MSI2: variants seen among roughly 807,000 people sequenced by gnomAD.
MSI2 encodes the protein musashi RNA binding protein 2.
A neutral mutation model predicts 45.6 loss-of-function variants in MSI2; 17 were observed. The observed-to-expected ratio is 0.37, with a 90% CI of 0.26 to 0.56. The LOEUF (loss-of-function observed/expected upper bound fraction) is 0.56, where lower values mean the gene tolerates loss of function less well. Among genes scored for constraint, MSI2 ranks in the 20% least tolerant of loss-of-function variants. The pLI, the probability that MSI2 is intolerant of heterozygous loss-of-function variation, is 0.77. For synonymous variants in MSI2, 156 were observed against 158.2 expected, an observed-to-expected ratio of 0.99 and a Z score of 0.11; for missense variants, 293 against 444.2, an observed-to-expected ratio of 0.66 and a Z score of 3.06.
chr17:57,472,897 C>CT (rs751901407), intron 6 of MSI2, among the ~76,000 whole-genome samples: 2,772 of 145,226 alleles, frequency 0.019, 41 homozygotes, highest in African/African-American at 0.035. Context: ...TCTTTTCTTT[C>CT]TTTTTTTTTT....
chr17:57,624,307 C>A, intron 9 of MSI2, among the ~76,000 whole-genome samples: 1 of 152,204 alleles, frequency 6.6e-6, no homozygotes. Context: ...GCAGCCATGA[C>A]TTGGCTGTTT....
intron 7 of MSI2, chr17:57,566,109 C>G (rs1229157446): frequency 6.6e-6 from 1 of 152,132 alleles, no homozygotes; most frequent in Admixed American, 6.5e-5. Flanking sequence ...TTTGGGTTTT[C>G]TCCTCATTTG....
intron 7 of MSI2, among the ~76,000 whole-genome samples, chr17:57,542,935 G>C (rs892047569): frequency 2.0e-5 from 3 of 152,168 alleles, no homozygotes; most frequent in Admixed American, 1.3e-4. Context: ...ATTGCTATTT[G>C]CTTGATTATT....
chr17:57,597,945 G>A (rs964070389), intron 8 of MSI2, among the ~76,000 whole-genome samples: 1 of 151,494 alleles, frequency 6.6e-6, no homozygotes, highest in Admixed American at 6.6e-5. Context: ...AGCCTCAAGA[G>A]GAAGGGAGGT....
chr17:57,317,233 G>A (rs1399236717), intron 5 of MSI2, among the ~76,000 whole-genome samples: 2 of 152,174 alleles, frequency 1.3e-5, no homozygotes, highest in African/African-American at 2.4e-5. Flanking sequence ...AGGGCATGGG[G>A]GTGGCAGCAT....
chr17:57,585,652 G>A (rs1233638055), intron 7 of MSI2, among the ~76,000 whole-genome samples: 1 of 152,230 alleles, frequency 6.6e-6, no homozygotes, highest in Admixed American at 6.5e-5. Flanking sequence ...GTGAGAGAAG[G>A]TGACAAATTT....
chr17:57,534,612 G>T (rs1458090932), intron 7 of MSI2, among the ~76,000 whole-genome samples: 2 of 151,778 alleles, frequency 1.3e-5, no homozygotes, highest in African/African-American at 4.8e-5. Context: ...CCACCCGGGA[G>T]GCTGAGGCAG....
At chr17:57,307,729 G>A (rs143633371) in intron 5 of MSI2, among the ~76,000 whole-genome samples, 160 of 148,734 alleles carry the variant, frequency 1.1e-3, no homozygotes, top group Admixed American at 8.9e-3. Context: ...ATGAGCCACC[G>A]TGCCTGGCCT....
At chr17:57,555,705 C>G (rs903423190) in intron 7 of MSI2, among the ~76,000 whole-genome samples, 55 of 152,308 alleles carry the variant, frequency 3.6e-4, no homozygotes, top group African/African-American at 1.3e-3. Flanking sequence ...CTCTTGGTGT[C>G]CCCAGTACCT....
intron 6 of MSI2, among the ~76,000 whole-genome samples, chr17:57,414,515 A>G (rs527584537): frequency 1.1e-3 from 171 of 151,742 alleles, no homozygotes; most frequent in African/African-American, 3.8e-3. Flanking sequence ...TCAGCCTCCC[A>G]AGTAGCTGGG....
intron 6 of MSI2, chr17:57,444,860 C>G (rs768535017): frequency 3.9e-5 from 6 of 152,228 alleles, no homozygotes; most frequent in Admixed American, 2.0e-4. Flanking sequence ...GCCTGCTCTT[C>G]CTTTTCAACC....
intron 6 of MSI2, among the ~76,000 whole-genome samples, chr17:57,475,150 G>A (rs2085513677): frequency 6.6e-6 from 1 of 152,244 alleles, no homozygotes; most frequent in Admixed American, 6.5e-5. Flanking sequence ...GCAAGGCACT[G>A]TAAGGTGTGG....
At chr17:57,427,328 G>A (rs763413662) in intron 6 of MSI2, among the ~76,000 whole-genome samples, 5 of 152,150 alleles carry the variant, frequency 3.3e-5, no homozygotes, top group Non-Finnish European at 7.4e-5. Context: ...AACCTAGGAG[G>A]TGGAGGTTGC....
intron 5 of MSI2, among the ~76,000 whole-genome samples, chr17:57,297,802 C>T (rs1911109324): frequency 6.6e-6 from 1 of 152,184 alleles, no homozygotes; most frequent in African/African-American, 2.4e-5. Flanking sequence ...TGCACATCTT[C>T]ACCAGGAGTA....
chr17:57,443,790 G>A (rs755412870), intron 6 of MSI2, among the ~76,000 whole-genome samples: 3 of 152,130 alleles, frequency 2.0e-5, no homozygotes, highest in Non-Finnish European at 4.4e-5. Context: ...GAGACAAAAG[G>A]GGATCATCAT....
intron 11 of MSI2, among the ~76,000 whole-genome samples, chr17:57,662,802 T>C (rs1912082962): frequency 6.6e-6 from 1 of 152,238 alleles, no homozygotes; most frequent in African/African-American, 2.4e-5. Flanking sequence ...CTCCTGCTGT[T>C]GCAGACACTG....
chr17:57,284,544 A>T (rs910465878), intron 5 of MSI2, among the ~76,000 whole-genome samples: 4 of 152,212 alleles, frequency 2.6e-5, no homozygotes, highest in African/African-American at 9.7e-5. Context: ...TTTTAAGTGA[A>T]TAAGTACGAA....
chr17:57,554,307 A>G (rs748276842), intron 7 of MSI2, among the ~76,000 whole-genome samples: 3 of 152,086 alleles, frequency 2.0e-5, no homozygotes, highest in African/African-American at 7.2e-5. Flanking sequence ...TCTCAAAGTA[A>G]ATTCATAGTT....
Position 57,616,042 on chromosome 17 carries a change from C to G in MSI2, c.610C>G (p.Pro204Ala). Reference sequence around the variant, plus strand: ...GACAAGAGGCCGGGCCCGGGGACTGCCTTACACCATGGACGCGTTCATGCT... The same window carrying G: ...GACAAGAGGCCGGGCCCGGGGACTGGCTTACACCATGGACGCGTTCATGCT... ...PGTRGRARGLPYTMDAFMLGM... is the reference protein window; with the variant it reads ...PGTRGRARGLAYTMDAFMLGM... The change falls in exon 9 of 14, where the codon CCT becomes GCT. Residue 204 changes from proline to alanine, a missense_variant. Transcript: ENST00000284073. 6.2e-7 allele frequency: 1 copy of G among 1,614,140 alleles called. No homozygotes were observed. The highest frequency in any genetic ancestry group is 8.5e-7 in the Non-Finnish European group (1 of 1,180,016).
Sources: allele counts gnomAD v4.1 joint callset (sites outside exome capture counted in the v4.1 genomes callset), GRCh38; gene constraint gnomAD v4.1.1; transcripts MANE v1.5; gene names NCBI Gene and HGNC (gene_info 2026-07-23, HGNC 2026-07-21).